The following CDH5 variants were observed in gnomAD, a reference collection of about 807,000 sequenced individuals.
CDH5 encodes cadherin 5.
A neutral mutation model predicts 62.0 loss-of-function variants in CDH5; 28 were observed. The observed-to-expected ratio is 0.45, with a 90% confidence interval of 0.33 to 0.62. The LOEUF (loss-of-function observed/expected upper bound fraction) is 0.62, where lower values mean the gene tolerates loss of function less well. CDH5 is among the 20% of genes least tolerant of loss of function. CDH5 has a pLI of 0.02. For synonymous variants in CDH5, 464 were observed against 445.8 expected (o/e 1.04, Z -0.52); for missense variants, 940 against 1,065.1 (o/e 0.88, Z 1.63).
chr16:66,397,390 C>G (rs1961204431), intron 8 of CDH5, among the ~76,000 whole-genome samples: 1 of 152,068 alleles, frequency 6.6e-6, no homozygotes, highest in South Asian at 2.1e-4. Flanking sequence ...CAGCAAATGT[C>G]TTAATTTTTT....
chr16:66,382,812 T>A (rs919898623), intron 2 of CDH5, among the ~76,000 whole-genome samples: 2 of 152,166 alleles, frequency 1.3e-5, no homozygotes, highest in Non-Finnish European at 2.9e-5. Flanking sequence ...GGATGTAATC[T>A]GAGGGAAGGA....
chr16:66,372,176 T>C (rs556905230), intron 1 of CDH5, among the ~76,000 whole-genome samples: 2 of 152,334 alleles, frequency 1.3e-5, no homozygotes, highest in South Asian at 4.1e-4. Flanking sequence ...TCCCACAGCC[T>C]CCTCGATTTG....
intron 1 of CDH5, among the ~76,000 whole-genome samples, chr16:66,374,812 G>A (rs1203098139): frequency 6.7e-6 from 1 of 149,882 alleles, no homozygotes; most frequent in African/African-American, 2.5e-5. Flanking sequence ...TTTTTTATTA[G>A]TATACTTTAA....
chr16:66,389,303 C>T, intron 4 of CDH5, 55 bp from the exon 5 acceptor site: 1 of 1,551,414 alleles, frequency 6.4e-7, no homozygotes, highest in Non-Finnish European at 8.8e-7. Flanking sequence ...AGGCCCTAGG[C>T]ATCGGTATTT....
rs746727312 is a variant in CDH5, at chr16:66,389,365, T to G, written c.624T>G (p.Ile208Met). Residue 208 changes from isoleucine (I) to methionine (M), a missense_variant, in exon 5 of 12, where the codon ATT (isoleucine) becomes ATG (methionine). Coordinates refer to ENST00000341529, the MANE Select transcript of CDH5 (RefSeq NM_001795.5). ...CTGGGAATCTTTTTGCAGGACGTATTATCACAATAACGAAAAGCTTGGACC... is the reference window on the plus strand; with the variant it reads ...CTGGGAATCTTTTTGCAGGACGTATGATCACAATAACGAAAAGCTTGGACC... ...EYFAIDNSGR[I>M]ITITKSLDRE... 2.5e-6 allele frequency: 4 copies of G among 1,610,242 alleles called. No homozygotes were observed. In the Admixed American group the frequency reaches 6.7e-5, roughly 27 times the overall value.
intron 7 of CDH5, among the ~76,000 whole-genome samples, chr16:66,393,166 C>T (rs542545138): frequency 7.2e-5 from 11 of 152,254 alleles, no homozygotes; most frequent in African/African-American, 2.6e-4. Context: ...TTTGCCAGCA[C>T]CATTTACTAA....
chr16:66,400,941 G>C lies in CDH5; in HGVS notation c.1762G>C (p.Glu588Gln), dbSNP rs772543864. ...CNEQGEFTFCEDMAAQVGVSI... is the reference protein window; with the variant it reads ...CNEQGEFTFCQDMAAQVGVSI... ...CGAGCAGGGCGAGTTCACCTTCTGC[G>C]AGGATATGGCCGCCCAGGTGGGCGT... Residue 588 changes from glutamate to glutamine, a missense_variant, in exon 11 of 12, where the codon GAG becomes CAG. Transcript: ENST00000341529. 8.7e-6 allele frequency: 14 copies of C among 1,614,058 alleles called. No homozygotes were observed. The Admixed American group carries it at 1.7e-4, about 19-fold the overall frequency.
intron 1 of CDH5, among the ~76,000 whole-genome samples, chr16:66,378,912 T>C (rs115008485): frequency 0.02 from 3,018 of 152,294 alleles, 94 homozygotes; most frequent in African/African-American, 0.067. Flanking sequence ...GCTCACACCC[T>C]TAGGCAGTGG....
chr16:66,382,273 C>A (rs764332455), intron 2 of CDH5, among the ~76,000 whole-genome samples: 1 of 152,174 alleles, frequency 6.6e-6, no homozygotes, highest in South Asian at 2.1e-4. Context: ...CCACTCGGAG[C>A]CCCACCCACA....
intron 1 of CDH5, among the ~76,000 whole-genome samples, chr16:66,375,166 T>C (rs1596927181): frequency 6.6e-6 from 1 of 152,210 alleles, no homozygotes; most frequent in Non-Finnish European, 1.5e-5. Context: ...CTGTACTGAA[T>C]GCTGTAGCCA....
intron 8 of CDH5, among the ~76,000 whole-genome samples, chr16:66,397,499 G>C (rs1284469993): frequency 6.6e-6 from 1 of 152,060 alleles, no homozygotes; most frequent in Non-Finnish European, 1.5e-5. Flanking sequence ...GAAATTACAG[G>C]GGTGAGCCAC....
chr16:66,367,957 G>A (rs1266291423), intron 1 of CDH5, among the ~76,000 whole-genome samples: 1 of 152,188 alleles, frequency 6.6e-6, no homozygotes, highest in Non-Finnish European at 1.5e-5. Flanking sequence ...TTGTGAATGT[G>A]ATAAAGATTT....
chr16:66,391,713 T>C (rs11647390), intron 6 of CDH5, among the ~76,000 whole-genome samples: 47,577 of 151,934 alleles, frequency 0.31, 7,631 homozygotes, highest in South Asian at 0.38. Flanking sequence ...GTGGAAGTTG[T>C]AGTGAGCGGA....
chr16:66,403,229 CG>C lies in CDH5; in HGVS notation c.*61del, dbSNP rs1334684325. 4 of 1,460,384 alleles carry C rather than the reference CG, an allele frequency of 2.7e-6. No individual in the cohort carries two copies. In the African/African-American group the frequency reaches 4.2e-5, roughly 15 times the overall value. The allele number at this position is 1,460,384 out of a possible 1,614,324, so 90.5% of individuals were successfully genotyped here. A position where few individuals can be genotyped will look rare whatever the true frequency, so the allele number is the denominator to read the frequency against. On this transcript the variant is annotated 3_prime_UTR_variant, in exon 12 of 12. Transcript: ENST00000341529. The surrounding 1 kb of genome is among the most constrained non-coding windows in gnomAD (Gnocchi z 4.3). ...CCCCCTGCAGCCCAGGCCAGTCAGA[CG>C]CCAGGCACCACAGCCTCCAAAAATG...
intron 2 of CDH5, among the ~76,000 whole-genome samples, chr16:66,380,577 G>T (rs569618817): frequency 6.6e-6 from 1 of 152,148 alleles, no homozygotes; most frequent in East Asian, 1.9e-4. Flanking sequence ...AGGGGTAGGT[G>T]GTGGTTGTAA....
At chr16:66,393,207 C>A (rs1961119831) in intron 7 of CDH5, among the ~76,000 whole-genome samples, 2 of 152,150 alleles carry the variant, frequency 1.3e-5, no homozygotes, top group Admixed American at 6.6e-5. Context: ...CGTTTTCCCA[C>A]CTTCATTATA....
chr16:66,367,840 T>C (rs373712414), intron 1 of CDH5, among the ~76,000 whole-genome samples: 14 of 152,104 alleles, frequency 9.2e-5, no homozygotes, highest in African/African-American at 2.7e-4. Context: ...GTTTCCTCAG[T>C]CAATTGAGTG....
Position 66,400,974 on chromosome 16 carries a change from C to G in CDH5, c.1795C>G (p.Gln599Glu), listed in dbSNP as rs750456820. ...GGCCGCCCAGGTGGGCGTGAGCATCCAGGCAGTGGTAGCCATCTTACTCTG... is the reference window on the plus strand; with the variant it reads ...GGCCGCCCAGGTGGGCGTGAGCATCGAGGCAGTGGTAGCCATCTTACTCTG... ...DMAAQVGVSIQAVVAILLCIL... is the reference protein window; with the variant it reads ...DMAAQVGVSIEAVVAILLCIL... Residue 599 changes from glutamine (Q) to glutamate (E), a missense_variant, in exon 11 of 12, where the codon CAG becomes GAG. By Grantham distance (29) the Gln-to-Glu change is conservative. Coordinates refer to ENST00000341529, the MANE Select transcript of CDH5 (RefSeq NM_001795.5). The G allele has an allele frequency of 6.2e-7, 1 of 1,614,112 alleles. No individual in the cohort carries two copies. The highest frequency in any genetic ancestry group is 1.1e-5 in the South Asian group (1 of 91,086).
chr16:66,399,981 G>A (rs557582776), intron 10 of CDH5, among the ~76,000 whole-genome samples: 1 of 152,284 alleles, frequency 6.6e-6, no homozygotes, highest in South Asian at 2.1e-4. Context: ...GTAAATCCTG[G>A]AGTAGGGAGT....
Sources: gnomAD v4.1 joint callset for allele counts (sites outside exome capture counted in the v4.1 genomes callset) on GRCh38, gnomAD v4.1.1 for gene constraint, Gnocchi (gnomAD v3.1) non-coding constraint, MANE v1.5 for transcripts, NCBI Gene and HGNC (gene_info 2026-07-23, HGNC 2026-07-21) for gene names.